The following ITPR2 variants were observed in gnomAD, a reference collection of about 807,000 sequenced individuals.
ITPR2 encodes inositol 1,4,5-trisphosphate-gated calcium channel ITPR2.
A neutral mutation model predicts 317.1 loss-of-function variants in ITPR2; 207 were observed. That is an observed-to-expected ratio of 0.65 (90% CI 0.58 to 0.73). The LOEUF (loss-of-function observed/expected upper bound fraction) is 0.73, where lower values mean the gene tolerates loss of function less well. Ranked by LOEUF, ITPR2 falls within the 30% of genes least tolerant of loss-of-function variation. The pLI, the probability that ITPR2 is intolerant of heterozygous loss-of-function variation, is 0.00. For missense variants in ITPR2, 2,613 were observed against 3,284.0 expected (o/e 0.80, Z 4.99); for synonymous variants, 1,156 against 1,149.1 (o/e 1.01, Z -0.12).
At chr12:26,529,039 C>T (rs1173784297) in intron 37 of ITPR2, among the ~76,000 whole-genome samples, 1 of 152,186 alleles carries the variant, frequency 6.6e-6, no homozygotes, top group African/African-American at 2.4e-5. Context: ...TCCACTGTCA[C>T]CCTACTCTAA....
At chr12:26,526,823 A>G (rs1001846296) in intron 37 of ITPR2, among the ~76,000 whole-genome samples, 15 of 152,170 alleles carry the variant, frequency 9.9e-5, no homozygotes, top group Admixed American at 8.5e-4. Context: ...TAGCTGATGC[A>G]TTTGCCATAA....
intron 42 of ITPR2, 23 bp downstream of exon 42, chr12:26,483,675 T>C: frequency 6.4e-7 from 1 of 1,554,086 alleles, no homozygotes; most frequent in East Asian, 2.2e-5. Context: ...CTTTACTAAT[T>C]AGTCATGGAT....
intron 13 of ITPR2, among the ~76,000 whole-genome samples, chr12:26,667,343 A>C (rs1255714220): frequency 1.3e-5 from 2 of 152,226 alleles, no homozygotes; most frequent in Non-Finnish European, 2.9e-5. Flanking sequence ...TTAGTCACCC[A>C]GAGAAATTTC....
intron 45 of ITPR2, among the ~76,000 whole-genome samples, chr12:26,474,250 C>A (rs987567086): frequency 1.3e-5 from 2 of 152,066 alleles, no homozygotes; most frequent in African/African-American, 4.8e-5. Context: ...GGAATGATTG[C>A]CAATGGGAGA....
At chr12:26,481,491 G>A (rs1335500243) in intron 42 of ITPR2, among the ~76,000 whole-genome samples, 3 of 152,152 alleles carry the variant, frequency 2.0e-5, no homozygotes, top group Non-Finnish European at 4.4e-5. Context: ...AAAATGAACT[G>A]TGTTTATAGA....
intron 1 of ITPR2, among the ~76,000 whole-genome samples, chr12:26,796,449 A>G (rs1950445164): frequency 6.6e-6 from 1 of 152,248 alleles, no homozygotes; most frequent in Admixed American, 6.5e-5. Context: ...AAGGTAAGAA[A>G]AAAATTGAAA....
At chr12:26,542,913 T>A (rs568097859) in intron 37 of ITPR2, among the ~76,000 whole-genome samples, 1 of 152,294 alleles carries the variant, frequency 6.6e-6, no homozygotes, top group Non-Finnish European at 1.5e-5. Flanking sequence ...CCACAGGCGA[T>A]CCATGAATAT....
chr12:26,594,689 G>T (rs1006088293), intron 32 of ITPR2, among the ~76,000 whole-genome samples: 1 of 151,762 alleles, frequency 6.6e-6, no homozygotes, highest in Admixed American at 6.6e-5. Context: ...TAACTTTAAA[G>T]GGAAAATTAG....
At chr12:26,658,255 A>G in intron 16 of ITPR2, 125 bp from the exon 17 acceptor site, 1 of 562,846 alleles carries the variant, frequency 1.8e-6, no homozygotes, top group African/African-American at 1.9e-5. Context: ...ATTTCCACAC[A>G]ACATTTGTCT....
intron 2 of ITPR2, among the ~76,000 whole-genome samples, chr12:26,732,137 T>G (rs1327278263): frequency 6.6e-6 from 1 of 152,100 alleles, no homozygotes; most frequent in African/African-American, 2.4e-5. Context: ...AACATGAAAA[T>G]TAATCACAAC....
chr12:26,351,594 G>T (rs1431600625), intron 55 of ITPR2, among the ~76,000 whole-genome samples: 1 of 152,158 alleles, frequency 6.6e-6, no homozygotes, highest in East Asian at 1.9e-4. Context: ...GGTCAATGCT[G>T]CACTGAGCTG....
chr12:26,715,362 AAGGAAAATGT>A lies in ITPR2; in HGVS notation c.782_791del (p.His261LeufsTer21), dbSNP rs1257533326. The A allele has an allele frequency of 6.2e-7, 1 of 1,613,652 alleles. No individual in the cohort carries two copies. Among genetic ancestry groups the A allele is most frequent in the East Asian group, 2.2e-5 (1 of 44,878 alleles). ...TAGCTGATTGGCGCAAGGTCGTACG[AAGGAAAATGT>A]GCTGTTTTTTCTCATATTCATCACA... On this transcript the variant is annotated frameshift_variant, in exon 8 of 57. Coordinates refer to ENST00000381340, the MANE Select transcript of ITPR2 (RefSeq NM_002223.4). LOFTEE classifies it high-confidence loss of function.
chr12:26,495,217 C>T lies in ITPR2; in HGVS notation c.5117G>A (p.Gly1706Asp), dbSNP rs375075374. The change falls in exon 38 of 57, where the codon GGT (glycine) becomes GAT (aspartate). Residue 1706 changes from glycine to aspartate, a missense_variant. Around this residue, in one of 9 missense-constraint regions of ITPR2, gnomAD observed 926 missense variants for 1,072.8 expected, o/e 0.86. Transcript: ENST00000381340. The stretch of plus-strand genomic sequence containing the variant: ...TCCATTCACACCAATACTATAATCA[C>T]CTTTAAAGTATCGATTCAGAAGTAT... ...RKILLNRYFK[G>D]DYSIGVNGHL... 8 of 1,607,858 alleles carry T rather than the reference C, an allele frequency of 5.0e-6. No homozygotes were observed. The highest frequency in any genetic ancestry group is 1.1e-5 in the South Asian group (1 of 90,950).
intron 9 of ITPR2, among the ~76,000 whole-genome samples, chr12:26,706,365 A>T (rs998536397): frequency 1.3e-5 from 2 of 152,182 alleles, no homozygotes; most frequent in African/African-American, 4.8e-5. Flanking sequence ...CTTGATATAT[A>T]TGGCCTGAAC....
At chr12:26,490,210 A>G (rs1942766224) in intron 39 of ITPR2, among the ~76,000 whole-genome samples, 1 of 152,246 alleles carries the variant, frequency 6.6e-6, no homozygotes. Context: ...GAGGCAGGGT[A>G]TAATACAAAT....
chr12:26,774,810 C>A (rs1297359302), intron 2 of ITPR2, among the ~76,000 whole-genome samples: 7 of 152,166 alleles, frequency 4.6e-5, no homozygotes, highest in African/African-American at 1.7e-4. Context: ...GCTCTCCCTG[C>A]CACATGGAGA....
chr12:26,563,637 C>A (rs747073457), intron 34 of ITPR2, among the ~76,000 whole-genome samples: 9 of 152,144 alleles, frequency 5.9e-5, no homozygotes, highest in Non-Finnish European at 1.0e-4. Context: ...CCAACTCCTG[C>A]GCAAAGCCCT....
intron 8 of ITPR2, among the ~76,000 whole-genome samples, chr12:26,712,376 G>C (rs1948661243): frequency 6.6e-6 from 1 of 152,106 alleles, no homozygotes; most frequent in African/African-American, 2.4e-5. Context: ...CTAGACTCCA[G>C]CAACTGTCTT....
chr12:26,833,104 C>G lies in ITPR2; in HGVS notation c.-323G>C, dbSNP rs1185136118. 1 of 296,554 alleles carries G rather than the reference C, an allele frequency of 3.4e-6. No homozygotes were observed. Among genetic ancestry groups the G allele is most frequent in the Non-Finnish European group, 6.2e-6 (1 of 160,824 alleles). 18.4% of individuals were successfully genotyped at this position (296,554 alleles called of 1,614,324 possible). ...TTTTCTCTCCAACACCTTTGCTCCT[C>G]CTCCTCCTCCTTCCCTCTCCGCTCC... On this transcript the variant is annotated 5_prime_UTR_variant, in exon 1 of 57. Coordinates refer to ENST00000381340, the MANE Select transcript of ITPR2 (RefSeq NM_002223.4).
Sources: gnomAD v4.1 joint callset for allele counts (sites outside exome capture counted in the v4.1 genomes callset) on GRCh38, gnomAD v4.1.1 for gene constraint, gnomAD v4.1.1 regional missense constraint, MANE v1.5 for transcripts, NCBI Gene and HGNC (gene_info 2026-07-23, HGNC 2026-07-21) for gene names.